Variants in ADAM32 observed in about 807,000 individuals in gnomAD.
The protein encoded by ADAM32 is disintegrin and metalloproteinase domain-containing protein 32.
In ADAM32, 89 loss-of-function variants were observed where a neutral mutation model predicts 114.9. The observed-to-expected ratio is 0.77, with a 90% CI of 0.65 to 0.92. The LOEUF (loss-of-function observed/expected upper bound fraction) is 0.92. Ranked by LOEUF, ADAM32 falls within the 40% of genes least tolerant of loss-of-function variation. ADAM32 has a pLI of 0.00. For synonymous variants in ADAM32, 285 were observed against 307.5 expected (o/e 0.93, Z 0.77); for missense variants, 870 against 932.8 (o/e 0.93, Z 0.88).
chr8:39,219,184 G>A (rs1383759162), intron 12 of ADAM32, among the ~76,000 whole-genome samples: 1 of 152,144 alleles, frequency 6.6e-6, no homozygotes, highest in African/African-American at 2.4e-5. Context: ...CCAGAAGGAC[G>A]GGGTCTTTTT....
chr8:39,278,185 C>T (rs1813208638), intron 22 of ADAM32, among the ~76,000 whole-genome samples: 1 of 152,154 alleles, frequency 6.6e-6, no homozygotes, highest in Non-Finnish European at 1.5e-5. Flanking sequence ...CCTCTGAAGT[C>T]TAGCCCCTTC....
intron 10 of ADAM32, among the ~76,000 whole-genome samples, chr8:39,184,465 G>C (rs1167647951): frequency 6.6e-6 from 1 of 152,194 alleles, no homozygotes; most frequent in Non-Finnish European, 1.5e-5. Context: ...CTTGAAACAA[G>C]TTTCTTCTGA....
intron 3 of ADAM32, among the ~76,000 whole-genome samples, chr8:39,143,181 T>A (rs1273287686): frequency 6.6e-6 from 1 of 152,172 alleles, no homozygotes; most frequent in Non-Finnish European, 1.5e-5. Context: ...AAATTTGTTA[T>A]TACCGACCTT....
chr8:39,163,525 G>A (rs780660615), intron 7 of ADAM32, among the ~76,000 whole-genome samples: 47 of 152,114 alleles, frequency 3.1e-4, no homozygotes, highest in Middle Eastern at 3.4e-3. Flanking sequence ...AGAAATTAGT[G>A]GCATCAAGAA....
intron 2 of ADAM32, among the ~76,000 whole-genome samples, chr8:39,123,169 G>A (rs577180656): frequency 6.6e-6 from 1 of 152,062 alleles, no homozygotes; most frequent in East Asian, 1.9e-4. Flanking sequence ...AAATGTAAAG[G>A]TTTATTTCTG....
At chr8:39,262,760 T>G (rs1045214272) in intron 19 of ADAM32, among the ~76,000 whole-genome samples, 5 of 151,970 alleles carry the variant, frequency 3.3e-5, no homozygotes, top group Non-Finnish European at 5.9e-5. Context: ...CAGGCTGGAG[T>G]GCAGTAGTGT....
intron 1 of ADAM32, among the ~76,000 whole-genome samples, chr8:39,109,911 CT>C (rs1840085057): frequency 6.6e-6 from 1 of 152,212 alleles, no homozygotes; most frequent in African/African-American, 2.4e-5. Context: ...CCCACTGCCC[CT>C]GGCAACAACT....
intron 11 of ADAM32, among the ~76,000 whole-genome samples, chr8:39,193,289 C>A (rs1252682064): frequency 6.6e-6 from 1 of 152,114 alleles, no homozygotes. Flanking sequence ...TTGGTCTGTT[C>A]TGCTCTTAAT....
intron 16 of ADAM32, 26 bp from the exon 17 acceptor site, chr8:39,246,057 C>CT: frequency 6.3e-7 from 1 of 1,598,716 alleles, no homozygotes; most frequent in Non-Finnish European, 8.6e-7. Flanking sequence ...GACATGGGAA[C>CT]TTTTTTTGTA....
chr8:39,258,452 TA>T (rs1199872769), intron 19 of ADAM32, among the ~76,000 whole-genome samples: 1 of 152,056 alleles, frequency 6.6e-6, no homozygotes, highest in Admixed American at 6.5e-5. Flanking sequence ...GACATTCAGT[TA>T]AAAAAATTTG....
intron 2 of ADAM32, among the ~76,000 whole-genome samples, chr8:39,118,912 A>G (rs931471966): frequency 1.3e-5 from 2 of 152,196 alleles, no homozygotes; most frequent in African/African-American, 4.8e-5. Context: ...GCACATTTGT[A>G]GTTCTTCTCC....
At position 39,221,700 on chromosome 8, in the gene ADAM32, C is replaced by G. The variant is rs1585574377; in HGVS notation, c.1324C>G (p.Gln442Glu). 1 of 1,606,906 alleles carries G rather than the reference C, an allele frequency of 6.2e-7. No individual in the cohort carries two copies. The highest frequency in any genetic ancestry group is 8.5e-7 in the Non-Finnish European group (1 of 1,175,092). The change falls in exon 13 of 25, where the codon CAA (glutamine) becomes GAA (glutamate). Residue 442 changes from glutamine (Q) to glutamate (E), a missense_variant and splice_region_variant. Gln to Glu is a conservative substitution (Grantham distance 29). Coordinates refer to ENST00000379907, the MANE Select transcript of ADAM32 (RefSeq NM_145004.7). Reference protein sequence around the residue: ...CYKGLCCKDCQILQSGVECRP... With the variant: ...CYKGLCCKDCEILQSGVECRP... Reference sequence around the variant, plus strand: ...TAAAGGACTGTGCTGCAAAGACTGTCAAGTAAGATTTAAGCTTATGAACAT... The same window carrying G: ...TAAAGGACTGTGCTGCAAAGACTGTGAAGTAAGATTTAAGCTTATGAACAT...
intron 17 of ADAM32, among the ~76,000 whole-genome samples, chr8:39,254,023 TAAAATAG>T (rs1811470463): frequency 6.6e-6 from 1 of 151,630 alleles, no homozygotes; most frequent in South Asian, 2.1e-4. Flanking sequence ...GTTACTGTCA[TAAAATAG>T]AGACATATAA....
chr8:39,170,425 T>C (rs563213187), intron 10 of ADAM32, among the ~76,000 whole-genome samples: 53 of 152,174 alleles, frequency 3.5e-4, no homozygotes, highest in African/African-American at 1.2e-3. Flanking sequence ...AAATAAACTT[T>C]TATGTGTATT....
chr8:39,137,720 G>A (rs1437563013), intron 3 of ADAM32, among the ~76,000 whole-genome samples: 2 of 149,804 alleles, frequency 1.3e-5, no homozygotes, highest in East Asian at 1.9e-4. Flanking sequence ...GCAGTGAGCC[G>A]AGATGGTGCC....
chr8:39,203,813 A>G (rs1171648041), intron 11 of ADAM32, among the ~76,000 whole-genome samples: 2 of 152,064 alleles, frequency 1.3e-5, no homozygotes, highest in Non-Finnish European at 2.9e-5. Flanking sequence ...AGGAGCTCTT[A>G]TAAGGCAGGC....
intron 16 of ADAM32, among the ~76,000 whole-genome samples, chr8:39,244,840 T>G (rs1340095034): frequency 6.6e-6 from 1 of 151,428 alleles, no homozygotes; most frequent in Non-Finnish European, 1.5e-5. Context: ...TCCTAAAACT[T>G]AAAGTATAAT....
At chr8:39,136,615 T>C (rs748756837) in intron 2 of ADAM32, 42 bp from the exon 3 acceptor site, 1 of 1,280,710 alleles carries the variant, frequency 7.8e-7, no homozygotes, top group South Asian at 1.4e-5. Context: ...TTGCTTCTTG[T>C]ATTAAATTTG....
chr8:39,157,535 G>T (rs1804216604), intron 6 of ADAM32: 1 of 479,600 alleles, frequency 2.1e-6, no homozygotes, highest in Non-Finnish European at 4.1e-6. Context: ...TCTGTTCCTG[G>T]CATTAAGCTC....
Sources: allele counts gnomAD v4.1 joint callset (sites outside exome capture counted in the v4.1 genomes callset), GRCh38; gene constraint gnomAD v4.1.1; transcripts MANE v1.5; gene names NCBI Gene and HGNC (gene_info 2026-07-23, HGNC 2026-07-21).